Variants in GLDN observed in about 807,000 individuals in gnomAD.
The protein encoded by GLDN is collomin.
Under a neutral mutation model 56.5 loss-of-function variants are expected in GLDN, and 47 were observed. The observed-to-expected ratio is 0.83, with a 90% CI of 0.66 to 1.06. The LOEUF (loss-of-function observed/expected upper bound fraction) is 1.06, where lower values mean the gene tolerates loss of function less well. Ranked by LOEUF, GLDN falls within the 50% of genes least tolerant of loss-of-function variation. The pLI is 0.00. For missense variants in GLDN, 782 were observed against 714.3 expected (o/e 1.09, Z -1.08); for synonymous variants, 332 against 278.8 (o/e 1.19, Z -1.90).
At chr15:51,351,288 G>A (rs188069500) in intron 1 of GLDN, 1 of 160,906 alleles carries the variant, frequency 6.2e-6, no homozygotes, top group East Asian at 1.7e-4. Flanking sequence ...CGGGATTACA[G>A]GCATGAGTCA....
intron 1 of GLDN, among the ~76,000 whole-genome samples, chr15:51,369,754 A>G (rs1462169852): frequency 1.3e-5 from 2 of 152,254 alleles, no homozygotes; most frequent in African/African-American, 4.8e-5. Flanking sequence ...TATCCTGTTT[A>G]TATGAAAAGT....
chr15:51,393,753 G>A (rs1301599810), intron 4 of GLDN, among the ~76,000 whole-genome samples: 2 of 152,164 alleles, frequency 1.3e-5, no homozygotes, highest in African/African-American at 2.4e-5. Context: ...GCAGTGAACT[G>A]GGACAATCCA....
rs2038221100 is a variant in GLDN at position 51,400,295 on chromosome 15, T to C, written c.901+20T>C. ...AAGCAGGTATAGAAACAAAGCGTCC[T>C]GTCTTGAAATTCAGAAATTGAATAC... On this transcript the variant is annotated intron_variant, in intron 7 of 9. Coordinates refer to ENST00000335449, the MANE Select transcript of GLDN (RefSeq NM_181789.4). The C allele has an allele frequency of 1.2e-6, 2 of 1,614,060 alleles. No individual in the cohort carries two copies. The highest frequency in any genetic ancestry group is 2.2e-5 in the South Asian group (2 of 91,092).
intron 7 of GLDN, 47 bp from the exon 8 acceptor site, chr15:51,400,326 A>G (rs773817522): frequency 1.9e-6 from 3 of 1,614,036 alleles, no homozygotes; most frequent in South Asian, 1.1e-5. Flanking sequence ...AATACCTTCA[A>G]GTCATAATTG....
At chr15:51,345,387 C>T (rs77446656) in intron 1 of GLDN, among the ~76,000 whole-genome samples, 5,360 of 152,268 alleles carry the variant, frequency 0.035, 297 homozygotes, top group African/African-American at 0.12. Flanking sequence ...TGCATTTCTA[C>T]GCCCAGGATA....
intron 1 of GLDN, among the ~76,000 whole-genome samples, chr15:51,355,790 T>C (rs1430275624): frequency 1.3e-5 from 2 of 150,620 alleles, no homozygotes; most frequent in Non-Finnish European, 3.0e-5. Flanking sequence ...CCCAAAGTGC[T>C]GGGATTACAG....
At chr15:51,352,747 G>A (rs2037098747) in intron 1 of GLDN, among the ~76,000 whole-genome samples, 1 of 152,162 alleles carries the variant, frequency 6.6e-6, no homozygotes, top group African/African-American at 2.4e-5. Context: ...TGAAAATTAT[G>A]ACAGTGAAAG....
At chr15:51,378,466 A>G (rs377562563) in intron 2 of GLDN, among the ~76,000 whole-genome samples, 3 of 152,078 alleles carry the variant, frequency 2.0e-5, no homozygotes, top group African/African-American at 7.3e-5. Flanking sequence ...AGAGAAATGG[A>G]TGGATGGAAT....
intron 1 of GLDN, among the ~76,000 whole-genome samples, chr15:51,370,749 TG>T (rs1480146383): frequency 6.6e-6 from 1 of 152,146 alleles, no homozygotes; most frequent in African/African-American, 2.4e-5. Context: ...CCCAGCACTT[TG>T]GGAGGCTGAG....
At chr15:51,369,866 A>G (rs2037479765) in intron 1 of GLDN, among the ~76,000 whole-genome samples, 1 of 152,234 alleles carries the variant, frequency 6.6e-6, no homozygotes. Context: ...CTATAATCCC[A>G]GCATTTTGGG....
rs945739439 is a variant in GLDN, at chr15:51,404,210, G to A, written c.1179-67G>A. The A allele has an allele frequency of 4.8e-6, 6 of 1,237,314 alleles. No individual in the cohort carries two copies. The African/African-American group carries it at 9.0e-5, about 19-fold the overall frequency. The allele number at this position is 1,237,314 out of a possible 1,614,324, so 76.6% of individuals were successfully genotyped here. On this transcript the variant is annotated intron_variant, in intron 9 of 9. Transcript: ENST00000335449. Reference sequence around the variant, plus strand: ...CCCACTAACTCAGTTTAATAGAGGAGCCTAATAAACCACCTGTCCACAGAA... The same window carrying A: ...CCCACTAACTCAGTTTAATAGAGGAACCTAATAAACCACCTGTCCACAGAA...
intron 1 of GLDN, among the ~76,000 whole-genome samples, chr15:51,373,842 C>T (rs894801054): frequency 2.0e-5 from 3 of 152,206 alleles, no homozygotes; most frequent in African/African-American, 7.2e-5. Context: ...CTCAAGACCT[C>T]CCTCAAGACT....
At chr15:51,386,020 G>T (rs1180899431) in intron 4 of GLDN, among the ~76,000 whole-genome samples, 1 of 152,192 alleles carries the variant, frequency 6.6e-6, no homozygotes, top group Non-Finnish European at 1.5e-5. Context: ...GGGAAGGGAA[G>T]AGGCTGGAGC....
intron 1 of GLDN, among the ~76,000 whole-genome samples, chr15:51,355,641 A>G (rs907588602): frequency 6.7e-6 from 1 of 148,724 alleles, no homozygotes; most frequent in Non-Finnish European, 1.5e-5. Flanking sequence ...CTCCTGCCTC[A>G]GCCTCCTGAG....
intron 4 of GLDN, chr15:51,384,171 A>C (rs1157491158): frequency 1.4e-5 from 6 of 433,482 alleles, no homozygotes; most frequent in African/African-American, 1.2e-4. Context: ...GCAGGAGCCC[A>C]CAGCCCTGGG....
At chr15:51,342,334 C>T (rs76095657) in intron 1 of GLDN, among the ~76,000 whole-genome samples, 5 of 152,212 alleles carry the variant, frequency 3.3e-5, no homozygotes, top group Admixed American at 3.3e-4. Context: ...TTCTAAGAGC[C>T]TATTTTCCTT....
Position 51,397,608 on chromosome 15 carries a change from T to C in GLDN, c.817+10T>C. ...AACGGCCAGTGCCCAGGTCACCACCTCTCCCCTACGGGGCCCACCTCTTCT... is the reference window on the plus strand; with the variant it reads ...AACGGCCAGTGCCCAGGTCACCACCCCTCCCCTACGGGGCCCACCTCTTCT... On this transcript the variant is annotated intron_variant, in intron 6 of 9. Coordinates refer to ENST00000335449, the MANE Select transcript of GLDN (RefSeq NM_181789.4). 6.4e-7 allele frequency: 1 copy of C among 1,573,548 alleles called. No homozygotes were observed. The highest frequency in any genetic ancestry group is 8.6e-7 in the Non-Finnish European group (1 of 1,157,958).
intron 4 of GLDN, among the ~76,000 whole-genome samples, chr15:51,386,799 T>G (rs2037905081): frequency 6.6e-6 from 1 of 152,056 alleles, no homozygotes; most frequent in African/African-American, 2.4e-5. Flanking sequence ...CAGGTAGGCA[T>G]CAAGACTGAC....
chr15:51,394,985 A>G lies in GLDN; in HGVS notation c.688+4A>G. 1.3e-6 allele frequency: 2 copies of G among 1,590,010 alleles called. No homozygotes were observed. Among genetic ancestry groups the G allele is most frequent in the Non-Finnish European group, 8.5e-7 (1 of 1,170,760 alleles). ...TCCAACGACGTGCTCCTGGCAGGTAAGAGGGGTACGCTGTGGCTCTCTTTG... is the reference window on the plus strand; with the variant it reads ...TCCAACGACGTGCTCCTGGCAGGTAGGAGGGGTACGCTGTGGCTCTCTTTG... On this transcript the variant is annotated splice_donor_region_variant and intron_variant, in intron 5 of 9. Transcript: ENST00000335449.
Sources: gnomAD v4.1 joint callset for allele counts (sites outside exome capture counted in the v4.1 genomes callset) on GRCh38, gnomAD v4.1.1 for gene constraint, MANE v1.5 for transcripts, NCBI Gene and HGNC (gene_info 2026-07-23, HGNC 2026-07-21) for gene names.